Variants in NRG1 observed in about 807,000 individuals in gnomAD.
The protein encoded by NRG1 is pro-neuregulin-1, membrane-bound isoform.
Under a neutral mutation model 63.8 loss-of-function variants are expected in NRG1, and 18 were observed. That is an observed-to-expected ratio of 0.28 (90% CI 0.19 to 0.42). NRG1 has a LOEUF of 0.42. Ranked by LOEUF, NRG1 falls within the 10% of genes least tolerant of loss-of-function variation. The probability of loss-of-function intolerance (pLI) is 1.00; values close to 1 mark genes in which losing one functional copy is unlikely to be tolerated. For synonymous variants in NRG1, 302 were observed against 301.3 expected (o/e 1.00, Z -0.02); for missense variants, 762 against 814.7 (o/e 0.94, Z 0.79).
intron 1 of NRG1, among the ~76,000 whole-genome samples, chr8:31,799,284 A>G (rs1009094509): frequency 2.0e-5 from 3 of 152,158 alleles, no homozygotes; most frequent in Non-Finnish European, 4.4e-5. Context: ...AAGAAAGTCA[A>G]ACTGAAGCAA....
At chr8:31,689,775 C>G (rs935868267) in intron 1 of NRG1, among the ~76,000 whole-genome samples, 1 of 152,156 alleles carries the variant, frequency 6.6e-6, no homozygotes, top group Admixed American at 6.5e-5. Flanking sequence ...AAAAATTTCA[C>G]TTCTTTAATG....
chr8:32,651,371 T>C (rs1308075927), intron 5 of NRG1, among the ~76,000 whole-genome samples: 2 of 152,204 alleles, frequency 1.3e-5, no homozygotes, highest in Non-Finnish European at 2.9e-5. Context: ...TATATTGTCA[T>C]GATACTAATT....
In NRG1 at chr8:31,928,352, T is replaced by TAAAA. The variant is rs77001238; in HGVS notation, c.37+288943_37+288946dup. Among the ~76,000 whole-genome samples the TAAAA allele has an allele frequency of 6.9e-3, 549 of 80,100 alleles. 10 individuals carry two copies. Among genetic ancestry groups the TAAAA allele is most frequent in the African/African-American group, 0.023 (462 of 20,206 alleles). 52.5% of individuals were successfully genotyped at this position (80,100 alleles called of 152,430 possible). A position where few individuals can be genotyped will look rare whatever the true frequency, so the allele number is the denominator to read the frequency against. ...AACATAGATTTTGGCATGGATGTGGTAAAAAAAAAAAAAAAAAAAAAAAAA... is the reference window on the plus strand; with the variant it reads ...AACATAGATTTTGGCATGGATGTGGTAAAAAAAAAAAAAAAAAAAAAAAAAAAAA... On this transcript the variant is annotated intron_variant, in intron 1 of 10. Coordinates refer to the NRG1 transcript ENST00000519301.
intron 1 of NRG1, among the ~76,000 whole-genome samples, chr8:32,167,155 T>C (rs1330029308): frequency 1.3e-5 from 2 of 152,172 alleles, no homozygotes; most frequent in Non-Finnish European, 2.9e-5. Context: ...TTAATCTAAG[T>C]GTAAGTCAAA....
intron 1 of NRG1, among the ~76,000 whole-genome samples, chr8:31,958,121 T>TTG (rs1311996709): frequency 2.0e-5 from 3 of 150,320 alleles, no homozygotes; most frequent in African/African-American, 4.9e-5. Flanking sequence ...GTGTGTGTGT[T>TTG]TGTGTGTGTG....
At chr8:32,312,662 G>T (rs115216196) in intron 1 of NRG1, among the ~76,000 whole-genome samples, 2 of 151,936 alleles carry the variant, frequency 1.3e-5, no homozygotes, top group African/African-American at 2.4e-5. Context: ...CGTTAGGACT[G>T]CCTCCCACCT....
At chr8:32,727,857 A>T in intron 5 of NRG1, 92 bp from the exon 6 acceptor site, 1 of 1,306,282 alleles carries the variant, frequency 7.7e-7, no homozygotes, top group Non-Finnish European at 1.1e-6. Context: ...ACCTTATATG[A>T]ACTCTTCCTT....
chr8:31,850,841 A>ACAT (rs1827143393), intron 1 of NRG1, among the ~76,000 whole-genome samples: 3 of 152,312 alleles, frequency 2.0e-5, no homozygotes, highest in African/African-American at 7.2e-5. Flanking sequence ...TTGTGATTTG[A>ACAT]CATCTGCCCA....
At chr8:31,900,350 G>A (rs1169922303) in intron 1 of NRG1, among the ~76,000 whole-genome samples, 5 of 152,124 alleles carry the variant, frequency 3.3e-5, no homozygotes. Context: ...AGTGAAAAAT[G>A]GAATTCACCA....
At chr8:31,884,901 T>C (rs969472394) in intron 1 of NRG1, among the ~76,000 whole-genome samples, 3 of 152,252 alleles carry the variant, frequency 2.0e-5, no homozygotes, top group Middle Eastern at 3.4e-3. Flanking sequence ...GGAAATACTG[T>C]ATAAAAGAGA....
chr8:32,476,623 G>T (rs1824552028), intron 1 of NRG1, among the ~76,000 whole-genome samples: 3 of 152,160 alleles, frequency 2.0e-5, no homozygotes, highest in Admixed American at 2.0e-4. Flanking sequence ...ATGTTGGGTA[G>T]AACAGACTCT....
intron 1 of NRG1, among the ~76,000 whole-genome samples, chr8:31,905,137 A>G (rs899496793): frequency 6.6e-6 from 1 of 152,078 alleles, no homozygotes; most frequent in South Asian, 2.1e-4. Flanking sequence ...GTATTGAGAA[A>G]GCATAGAGTC....
intron 1 of NRG1, among the ~76,000 whole-genome samples, chr8:32,455,664 A>G (rs183335301): frequency 4.7e-4 from 72 of 152,366 alleles, no homozygotes; most frequent in African/African-American, 1.6e-3. Context: ...TCCTTGATTT[A>G]GATACCAATT....
chr8:32,327,547 G>A (rs1008633897), intron 1 of NRG1, among the ~76,000 whole-genome samples: 3 of 152,168 alleles, frequency 2.0e-5, no homozygotes, highest in African/African-American at 7.2e-5. Context: ...GGTTACTGAG[G>A]ATCTGAAGAT....
chr8:32,310,219 A>G (rs1856665549), intron 1 of NRG1, among the ~76,000 whole-genome samples: 1 of 152,236 alleles, frequency 6.6e-6, no homozygotes, highest in Non-Finnish European at 1.5e-5. Flanking sequence ...GACGGTTTGG[A>G]TCTTTGGTTT....
At chr8:31,778,669 C>G (rs1294234979) in intron 1 of NRG1, among the ~76,000 whole-genome samples, 1 of 152,202 alleles carries the variant, frequency 6.6e-6, no homozygotes, top group Non-Finnish European at 1.5e-5. Flanking sequence ...ACAGATTTGA[C>G]TATGTGACAT....
intron 1 of NRG1, among the ~76,000 whole-genome samples, chr8:32,038,098 GCT>G (rs1460978471): frequency 2.0e-5 from 3 of 152,268 alleles, no homozygotes; most frequent in Non-Finnish European, 4.4e-5. Context: ...AGCCTGCACA[GCT>G]CTGTGTTTTG....
At chr8:32,526,708 A>G (rs1830881946) in intron 1 of NRG1, among the ~76,000 whole-genome samples, 1 of 152,112 alleles carries the variant, frequency 6.6e-6, no homozygotes, top group Non-Finnish European at 1.5e-5. Flanking sequence ...GAACTATCCC[A>G]AGTGATCATC....
At chr8:31,688,200 C>T (rs1388351854) in intron 1 of NRG1, among the ~76,000 whole-genome samples, 1 of 152,100 alleles carries the variant, frequency 6.6e-6, no homozygotes, top group Non-Finnish European at 1.5e-5. Flanking sequence ...TCTATCTCCC[C>T]CAGATTTATA....
Sources: allele counts gnomAD v4.1 joint callset (sites outside exome capture counted in the v4.1 genomes callset), GRCh38; gene constraint gnomAD v4.1.1; transcripts MANE v1.5; gene names NCBI Gene and HGNC (gene_info 2026-07-23, HGNC 2026-07-21).